KSR2: variants seen among roughly 807,000 people sequenced by gnomAD.
The protein encoded by KSR2 is kinase suppressor of ras 2.
KSR2 carries 25 observed loss-of-function variants against 107.8 expected under a neutral mutation model. The ratio of observed to expected loss-of-function variants is 0.23; its 90% CI spans 0.17 to 0.32. The LOEUF is 0.32. Among genes scored for constraint, KSR2 ranks in the 10% least tolerant of loss-of-function variants. KSR2 has a pLI of 1.00. For synonymous variants in KSR2, 480 were observed against 507.0 expected, an observed-to-expected ratio of 0.95 and a Z score of 0.71; for missense variants, 887 against 1,268.9, an observed-to-expected ratio of 0.70 and a Z score of 4.57.
At chr12:117,614,581 G>C (rs73409020) in intron 5 of KSR2, among the ~76,000 whole-genome samples, 1 of 152,272 alleles carries the variant, frequency 6.6e-6, no homozygotes, top group African/African-American at 2.4e-5. Flanking sequence ...GATGAATCTG[G>C]TTGAAAAAGG....
At chr12:117,676,573 G>A (rs1885130615) in intron 4 of KSR2, among the ~76,000 whole-genome samples, 2 of 152,166 alleles carry the variant, frequency 1.3e-5, no homozygotes, top group African/African-American at 4.8e-5. Flanking sequence ...ACGAGGGGGA[G>A]GAGATGTTGG....
chr12:117,676,834 A>C (rs1885141973), intron 4 of KSR2, among the ~76,000 whole-genome samples: 1 of 152,202 alleles, frequency 6.6e-6, no homozygotes, highest in African/African-American at 2.4e-5. Context: ...GTCTGCAAAA[A>C]AAGACCTTTG....
chr12:117,966,666 C>T (rs7133568), intron 1 of KSR2, among the ~76,000 whole-genome samples: 1 of 149,440 alleles, frequency 6.7e-6, no homozygotes, highest in East Asian at 2.0e-4. Context: ...CTCTCTTTCT[C>T]TCTCTCCCTC....
intron 9 of KSR2, among the ~76,000 whole-genome samples, chr12:117,553,929 T>C (rs816189): frequency 0.52 from 78,529 of 151,248 alleles, 20,630 homozygotes; most frequent in East Asian, 0.63. Context: ...CTTTCCAACA[T>C]GAGTGGAAGC....
chr12:117,913,650 G>A lies in KSR2; in HGVS notation c.181-53219C>T, dbSNP rs375330461. Among the ~76,000 whole-genome samples, 9 of 152,272 alleles carry A rather than the reference G, an allele frequency of 5.9e-5. No individual in the cohort carries two copies. In the East Asian group the frequency reaches 1.2e-3, roughly 20 times the overall value. ...GAGAAGCAGCCACAAGCCAAGGAAC[G>A]TGAGGAGCCCCCAGAAGCTGGAAGG... On this transcript the variant is annotated intron_variant, in intron 1 of 19. Coordinates refer to ENST00000339824, the MANE Select transcript of KSR2 (RefSeq NM_173598.6).
intron 14 of KSR2, among the ~76,000 whole-genome samples, chr12:117,508,444 T>A (rs1873832160): frequency 6.6e-6 from 1 of 152,010 alleles, no homozygotes; most frequent in South Asian, 2.1e-4. Context: ...GTGGCTAGAG[T>A]AATGATGGGT....
intron 12 of KSR2, 70 bp from the exon 13 acceptor site, chr12:117,527,189 T>C (rs1321923765): frequency 4.4e-6 from 5 of 1,141,898 alleles, no homozygotes; most frequent in Non-Finnish European, 6.6e-6. Context: ...TTTAGCTATG[T>C]ACGAAGAATC....
At chr12:117,581,833 T>G (rs114404288) in intron 6 of KSR2, among the ~76,000 whole-genome samples, 1 of 152,106 alleles carries the variant, frequency 6.6e-6, no homozygotes, top group Non-Finnish European at 1.5e-5. Context: ...GACCAAAAAT[T>G]AGGACATAAA....
At chr12:117,659,758 G>C (rs1884345842) in intron 5 of KSR2, among the ~76,000 whole-genome samples, 1 of 152,216 alleles carries the variant, frequency 6.6e-6, no homozygotes, top group African/African-American at 2.4e-5. Flanking sequence ...TCCTAGAACA[G>C]AGATTAAAAA....
intron 10 of KSR2, among the ~76,000 whole-genome samples, chr12:117,536,942 G>GTGTATGGTA (rs1246592065): frequency 6.6e-6 from 1 of 152,212 alleles, no homozygotes; most frequent in African/African-American, 2.4e-5. Context: ...GCTGGCTATG[G>GTGTATGGTA]TGGTTCACAC....
intron 7 of KSR2, among the ~76,000 whole-genome samples, chr12:117,573,342 T>A (rs1029445677): frequency 1.3e-5 from 2 of 152,066 alleles, no homozygotes; most frequent in Admixed American, 1.3e-4. Context: ...ATTGAACAAT[T>A]ACCTTACCTG....
At chr12:117,913,302 A>T (rs1339708398) in intron 1 of KSR2, among the ~76,000 whole-genome samples, 1 of 152,154 alleles carries the variant, frequency 6.6e-6, no homozygotes, top group South Asian at 2.1e-4. Context: ...GCAAGGAAGC[A>T]GTCACCACTG....
At chr12:117,788,973 T>A (rs527943235) in intron 3 of KSR2, among the ~76,000 whole-genome samples, 2 of 152,218 alleles carry the variant, frequency 1.3e-5, no homozygotes, top group South Asian at 4.1e-4. Flanking sequence ...AAAACAACGT[T>A]AGGCTCCACC....
chr12:117,714,253 AG>A (rs1886896918), intron 4 of KSR2, among the ~76,000 whole-genome samples: 3 of 152,310 alleles, frequency 2.0e-5, no homozygotes, highest in Admixed American at 2.0e-4. Flanking sequence ...CGTTCTCTGA[AG>A]GGAACTTTAA....
intron 1 of KSR2, among the ~76,000 whole-genome samples, chr12:117,867,210 G>A (rs576257679): frequency 1.2e-4 from 18 of 152,112 alleles, no homozygotes; most frequent in Non-Finnish European, 2.4e-4. Context: ...CAGATACTCA[G>A]GAGGCTGAGG....
At chr12:117,683,478 T>C (rs1051750837) in intron 4 of KSR2, among the ~76,000 whole-genome samples, 2 of 152,210 alleles carry the variant, frequency 1.3e-5, no homozygotes, top group Non-Finnish European at 2.9e-5. Flanking sequence ...TGTAGTTAGG[T>C]ATAAATTCCT....
intron 1 of KSR2, among the ~76,000 whole-genome samples, chr12:117,939,207 C>T (rs1302072760): frequency 6.6e-6 from 1 of 152,120 alleles, no homozygotes; most frequent in Admixed American, 6.5e-5. Context: ...ATGACAATAG[C>T]ACTGGTTGTG....
intron 5 of KSR2, among the ~76,000 whole-genome samples, chr12:117,645,482 G>C (rs184811372): frequency 4.1e-4 from 62 of 152,332 alleles, no homozygotes; most frequent in African/African-American, 1.5e-3. Context: ...TTCCCAAAGG[G>C]AAAGAAGTTA....
intron 4 of KSR2, among the ~76,000 whole-genome samples, chr12:117,751,034 T>C (rs1053348633): frequency 6.6e-6 from 1 of 152,226 alleles, no homozygotes; most frequent in African/African-American, 2.4e-5. Context: ...TCTTGAATTA[T>C]AGTTCTCATA....
Sources: allele counts gnomAD v4.1 joint callset (sites outside exome capture counted in the v4.1 genomes callset), GRCh38; gene constraint gnomAD v4.1.1; transcripts MANE v1.5; gene names NCBI Gene and HGNC (gene_info 2026-07-23, HGNC 2026-07-21).